The following EEF2 variants were observed in gnomAD, a reference collection of about 807,000 sequenced individuals.
The protein encoded by EEF2 is elongation factor 2.
A neutral mutation model predicts 85.3 loss-of-function variants in EEF2; 21 were observed. The ratio of observed to expected loss-of-function variants is 0.25; its 90% CI spans 0.17 to 0.35. The LOEUF is 0.35. EEF2 is among the 10% of genes least tolerant of loss of function. The pLI is 1.00. For missense variants in EEF2, 825 were observed against 1,225.3 expected, an observed-to-expected ratio of 0.67 and a Z score of 4.88; for synonymous variants, 723 against 508.8, an observed-to-expected ratio of 1.42 and a Z score of -5.67.
At chr19:3,981,295 C>T (rs748240291) in intron 7 of EEF2, 44 bp downstream of exon 7, 2 of 1,576,576 alleles carry the variant, frequency 1.3e-6, no homozygotes, top group Non-Finnish European at 1.7e-6. Context: ...CCGGAAACAG[C>T]AGCCTGTGTT....
intron 4 of EEF2, 85 bp downstream of exon 4, chr19:3,982,722 G>A (rs1489818518): frequency 4.9e-6 from 7 of 1,434,322 alleles, no homozygotes; most frequent in Non-Finnish European, 6.7e-6. Flanking sequence ...CACACTTCCA[G>A]TCCCCCTCAG....
Position 3,983,370 on chromosome 19 carries a change from G to A in EEF2, c.219-79C>T. On this transcript the variant is annotated intron_variant, in intron 2 of 14. Transcript: ENST00000309311. ...GAGTCTGGGATGCTGTCAGAAGCCA[G>A]GCTGCTCCTCCCTCCATGACTCATC... is the stretch of plus-strand genomic sequence containing the variant. 15 of 1,466,902 alleles carry A rather than the reference G, an allele frequency of 1.0e-5. No homozygotes were observed. In the South Asian group the frequency reaches 1.0e-4, roughly 10 times the overall value. The allele number at this position is 1,466,902 out of a possible 1,614,324, so 90.9% of individuals were successfully genotyped here.
At chr19:3,979,529 GA>G in intron 10 of EEF2, 93 bp from the exon 11 acceptor site, 1 of 1,157,768 alleles carries the variant, frequency 8.6e-7, no homozygotes, top group Middle Eastern at 2.0e-4. Flanking sequence ...GACCCCGCCA[GA>G]ACAAGATTTC....
intron 7 of EEF2, 50 bp downstream of exon 7, chr19:3,981,289 A>C (rs1319437447): frequency 6.4e-7 from 1 of 1,569,134 alleles, no homozygotes; most frequent in Non-Finnish European, 8.8e-7. Flanking sequence ...GAGCATCCGG[A>C]AACAGCAGCC....
chr19:3,984,324 G>A lies in EEF2; in HGVS notation c.30C>T (p.Arg10=), dbSNP rs142553888. 21 of 1,614,068 alleles carry A rather than the reference G, an allele frequency of 1.3e-5. No individual in the cohort carries two copies. The highest frequency in any genetic ancestry group is 6.7e-5 in the African/African-American group (5 of 74,938). ...TGTTGGCCTTCTTGTCCATGATGGC[G>A]CGGATCTGGTCTACCGTGAAGTTCA... MVNFTVDQI[R]AIMDKKANIR... Residue 10 remains arginine (R), a synonymous_variant, in exon 2 of 15, where the codon CGC becomes CGT. Transcript: ENST00000309311.
intron 11 of EEF2, among the ~76,000 whole-genome samples, chr19:3,978,425 A>G (rs530181945): frequency 6.6e-6 from 1 of 152,272 alleles, no homozygotes; most frequent in Admixed American, 6.5e-5. Flanking sequence ...TTAACAGGGA[A>G]GAAACGAGGT....
At position 3,976,340 on chromosome 19, in the gene EEF2, G is replaced by C; in HGVS notation, c.*214C>G. On this transcript the variant is annotated 3_prime_UTR_variant, in exon 15 of 15. Coordinates refer to ENST00000309311, the MANE Select transcript of EEF2 (RefSeq NM_001961.4). ...CCGGCCCATTAAGTCCCTACTAAGA[G>C]GGCGTGTCTGCTGCCTCCGGACTCT... 2.7e-6 allele frequency: 1 copy of C among 376,486 alleles called. No individual in the cohort carries two copies. The highest frequency in any genetic ancestry group is 7.1e-5 in the East Asian group (1 of 14,180). 23.3% of individuals were successfully genotyped at this position (376,486 alleles called of 1,614,324 possible).
At chr19:3,984,378 G>A in intron 1 of EEF2, 28 bp from the exon 2 acceptor site, 3 of 1,606,932 alleles carry the variant, frequency 1.9e-6, no homozygotes, top group Non-Finnish European at 2.6e-6. Context: ...GCTCAGACCA[G>A]CTCGTGATTT....
intron 4 of EEF2, 144 bp from the exon 5 acceptor site, chr19:3,982,568 C>T (rs200026432): frequency 1.3e-5 from 15 of 1,199,742 alleles, no homozygotes; most frequent in South Asian, 5.0e-5. Flanking sequence ...TCAGTCATCA[C>T]GAATAGGGGG....
rs1039078844 is a variant in EEF2 at position 3,985,442 on chromosome 19, G to A, written c.-62C>T. The A allele has an allele frequency of 1.0e-5, 15 of 1,446,318 alleles. No homozygotes were observed. The highest frequency in any genetic ancestry group is 2.7e-5 in the East Asian group (1 of 36,410). 89.6% of individuals were successfully genotyped at this position (1,446,318 alleles called of 1,614,324 possible). On this transcript the variant is annotated 5_prime_UTR_variant, in exon 1 of 15. Coordinates refer to ENST00000309311, the MANE Select transcript of EEF2 (RefSeq NM_001961.4). ...GAAAGAAGCGAGTCGCGCCGAGGAT[G>A]GCGGCGACGACGGCGGAAGAGAACG...
intron 11 of EEF2, 74 bp from the exon 12 acceptor site, chr19:3,978,246 C>G (rs2039701200): frequency 7.5e-7 from 1 of 1,328,782 alleles, no homozygotes; most frequent in Non-Finnish European, 9.9e-7. Context: ...TCCTTAAAAG[C>G]TTTTCCTAGC....
rs1265419611 is a variant in EEF2 at position 3,979,933 on chromosome 19, T to G, written c.1480A>C (p.Met494Leu). Reference sequence around the variant, plus strand: ...CTGACGCTGAACTTCATCACCCGCATGTTGTGCGCGTGCTCGAAGGTGGTG... The same window carrying G: ...CTGACGCTGAACTTCATCACCCGCAGGTTGTGCGCGTGCTCGAAGGTGGTG... ...TITTFEHAHN[M>L]RVMKFSVSPV... The change falls in exon 10 of 15, where the codon ATG becomes CTG. Residue 494 changes from methionine (M) to leucine (L), a missense_variant. By Grantham distance (15) the Met-to-Leu change is conservative (BLOSUM62 2). Coordinates refer to ENST00000309311, the MANE Select transcript of EEF2 (RefSeq NM_001961.4). The G allele has an allele frequency of 6.2e-7, 1 of 1,613,810 alleles. No individual in the cohort carries two copies. The highest frequency in any genetic ancestry group is 1.3e-5 in the African/African-American group (1 of 74,944).
At chr19:3,980,168 T>G (rs975462602) in intron 9 of EEF2, 102 bp from the exon 10 acceptor site, 1 of 1,486,988 alleles carries the variant, frequency 6.7e-7, no homozygotes, top group East Asian at 2.3e-5. Context: ...TCCTGCCAGG[T>G]CCCAGGGCAG....
At position 3,985,384 on chromosome 19, in the gene EEF2, G is replaced by A. The variant is rs936514712; in HGVS notation, c.-4C>T. On this transcript the variant is annotated 5_prime_UTR_variant, in exon 1 of 15. Transcript: ENST00000309311. Reference sequence around the variant, plus strand: ...GCGAGGCAGGGTTACTCACCATGGTGGCGGATGGCGGTGGATTCTCCCAGG... The same window carrying A: ...GCGAGGCAGGGTTACTCACCATGGTAGCGGATGGCGGTGGATTCTCCCAGG... 1.3e-6 allele frequency: 2 copies of A among 1,513,434 alleles called. No individual in the cohort carries two copies. The highest frequency in any genetic ancestry group is 1.8e-6 in the Non-Finnish European group (2 of 1,127,926). The allele number at this position is 1,513,434 out of a possible 1,614,324, so 93.8% of individuals were successfully genotyped here.
Position 3,979,948 on chromosome 19 carries a change from C to G in EEF2, c.1465G>C (p.Glu489Gln). ...LVKTGTITTF[E>Q]HAHNMRVMKF... ...ATCACCCGCATGTTGTGCGCGTGCTCGAAGGTGGTGATGGTGCCCGTCTTC... is the reference window on the plus strand; with the variant it reads ...ATCACCCGCATGTTGTGCGCGTGCTGGAAGGTGGTGATGGTGCCCGTCTTC... Residue 489 changes from glutamate (E) to glutamine (Q), a missense_variant, in exon 10 of 15, where the codon GAG (glutamate) becomes CAG (glutamine). Coordinates refer to ENST00000309311, the MANE Select transcript of EEF2 (RefSeq NM_001961.4). The G allele has an allele frequency of 6.2e-7, 1 of 1,613,930 alleles. No homozygotes were observed. The highest frequency in any genetic ancestry group is 8.5e-7 in the Non-Finnish European group (1 of 1,180,042).
At chr19:3,985,301 C>T in intron 1 of EEF2, 77 bp downstream of exon 1, 1 of 1,326,528 alleles carries the variant, frequency 7.5e-7, no homozygotes. Flanking sequence ...GGGGCCCCAG[C>T]GTCCCAGGCT....
intron 6 of EEF2, 134 bp downstream of exon 6, chr19:3,981,813 G>A (rs2039751968): frequency 3.7e-6 from 3 of 801,446 alleles, no homozygotes; most frequent in Non-Finnish European, 4.1e-6. Context: ...TCAGTTAGGA[G>A]CTGTGCCTCC....
At position 3,976,617 on chromosome 19, in the gene EEF2, G is replaced by T. The variant is rs923270856; in HGVS notation, c.2514C>A (p.Thr838=). 1.9e-6 allele frequency: 3 copies of T among 1,610,872 alleles called. No homozygotes were observed. The South Asian group carries it at 3.3e-5, about 18-fold the overall frequency. The part of the protein sequence containing the change: ...SSRPSQVVAE[T]RKRKGLKEGI... Reference sequence around the variant, plus strand: ...CTTCTTTCAGGCCCTTGCGCTTGCGGGTCTCCGCCACCACCTGGCTGGGGC... The same window carrying T: ...CTTCTTTCAGGCCCTTGCGCTTGCGTGTCTCCGCCACCACCTGGCTGGGGC... The change falls in exon 15 of 15, where the codon ACC becomes ACA. Residue 838 remains threonine, a synonymous_variant. Coordinates refer to ENST00000309311, the MANE Select transcript of EEF2 (RefSeq NM_001961.4).
intron 1 of EEF2, chr19:3,984,732 A>C (rs1599199439): frequency 4.5e-6 from 1 of 223,804 alleles, no homozygotes; most frequent in East Asian, 1.2e-4. Context: ...CCCGAGCAAG[A>C]AGCTTCATCA....
Sources: allele counts gnomAD v4.1 joint callset (sites outside exome capture counted in the v4.1 genomes callset), GRCh38; gene constraint gnomAD v4.1.1; transcripts MANE v1.5; gene names NCBI Gene and HGNC (gene_info 2026-07-23, HGNC 2026-07-21).